PXDNL: variants seen among roughly 807,000 people sequenced by gnomAD.
PXDNL encodes peroxidasin like, also known as probable oxidoreductase PXDNL.
PXDNL carries 145 observed loss-of-function variants against 150.8 expected under a neutral mutation model. That is an observed-to-expected ratio of 0.96 (90% confidence interval 0.84 to 1.10). The LOEUF (loss-of-function observed/expected upper bound fraction) is 1.10. Ranked by LOEUF, PXDNL falls within the 50% of genes least tolerant of loss-of-function variation. The probability of loss-of-function intolerance (pLI) is 0.00; values close to 1 mark genes in which losing one functional copy is unlikely to be tolerated. For missense variants in PXDNL, 2,087 were observed against 1,873.9 expected, an observed-to-expected ratio of 1.11 and a Z score of -2.10; for synonymous variants, 757 against 725.7, an observed-to-expected ratio of 1.04 and a Z score of -0.69.
At chr8:51,645,616 G>A (rs1196770231) in intron 2 of PXDNL, among the ~76,000 whole-genome samples, 1 of 152,110 alleles carries the variant, frequency 6.6e-6, no homozygotes, top group Non-Finnish European at 1.5e-5. Context: ...AGAATGAAGT[G>A]CATTTGCTGA....
chr8:51,754,336 T>A (rs1292045272), intron 1 of PXDNL, among the ~76,000 whole-genome samples: 1 of 152,196 alleles, frequency 6.6e-6, no homozygotes, highest in South Asian at 2.1e-4. Flanking sequence ...CAGGGGCTGT[T>A]GATCCCATTG....
intron 4 of PXDNL, among the ~76,000 whole-genome samples, chr8:51,537,285 C>A (rs900256278): frequency 6.6e-6 from 1 of 152,146 alleles, no homozygotes; most frequent in Non-Finnish European, 1.5e-5. Context: ...GCTGGACACC[C>A]TCTGGCTGGG....
chr8:51,798,907 T>G (rs1209305120), intron 1 of PXDNL, among the ~76,000 whole-genome samples: 2 of 152,180 alleles, frequency 1.3e-5, no homozygotes, highest in African/African-American at 4.8e-5. Flanking sequence ...ACTGGGTATA[T>G]GCCCAAAGGA....
At chr8:51,378,562 G>A (rs1405709495) in intron 17 of PXDNL, among the ~76,000 whole-genome samples, 1 of 152,200 alleles carries the variant, frequency 6.6e-6, no homozygotes, top group Non-Finnish European at 1.5e-5. Context: ...AATCCTCTGG[G>A]GTACCATTCC....
At chr8:51,526,570 C>A (rs990302311) in intron 4 of PXDNL, among the ~76,000 whole-genome samples, 1 of 152,148 alleles carries the variant, frequency 6.6e-6, no homozygotes, top group South Asian at 2.1e-4. Flanking sequence ...CTCCATCCAA[C>A]CTCCTCCTGC....
chr8:51,635,770 C>G (rs898036518), intron 2 of PXDNL, among the ~76,000 whole-genome samples: 2 of 151,774 alleles, frequency 1.3e-5, no homozygotes, highest in Non-Finnish European at 1.5e-5. Context: ...TAAATTTTAT[C>G]AAATATTTAA....
At chr8:51,750,892 G>A (rs1407662635) in intron 1 of PXDNL, among the ~76,000 whole-genome samples, 1 of 152,150 alleles carries the variant, frequency 6.6e-6, no homozygotes, top group Admixed American at 6.5e-5. Flanking sequence ...TGGAGAAGGG[G>A]GGATGGTTGT....
Position 51,374,649 on chromosome 8 carries a change from T to G in PXDNL, c.3640A>C (p.Thr1214Pro). The G allele has an allele frequency of 6.2e-7, 1 of 1,613,954 alleles. No homozygotes were observed. The change falls in exon 18 of 23, where the codon ACA (threonine) becomes CCA (proline). Residue 1214 changes from threonine to proline, a missense_variant. Coordinates refer to ENST00000356297, the MANE Select transcript of PXDNL (RefSeq NM_144651.5). ...DLIPGTRVGP[T>P]LMCLFVTQFQ... Reference sequence around the variant, plus strand: ...TGGGTAACAAACAGGCACATAAGTGTTGGTCCCACTCTTGTACCAGGAATC... The same window carrying G: ...TGGGTAACAAACAGGCACATAAGTGGTGGTCCCACTCTTGTACCAGGAATC...
intron 19 of PXDNL, among the ~76,000 whole-genome samples, chr8:51,369,070 AGC>A (rs1807012318): frequency 6.6e-6 from 1 of 152,224 alleles, no homozygotes; most frequent in African/African-American, 2.4e-5. Context: ...GAGTGAGATT[AGC>A]AAAGGAGAGG....
intron 4 of PXDNL, among the ~76,000 whole-genome samples, chr8:51,523,008 T>C (rs949062098): frequency 6.6e-6 from 1 of 152,234 alleles, no homozygotes; most frequent in East Asian, 1.9e-4. Context: ...CAGTGATATC[T>C]TTTTATGAAA....
chr8:51,391,244 T>A (rs1202198148), intron 17 of PXDNL, among the ~76,000 whole-genome samples: 1 of 152,204 alleles, frequency 6.6e-6, no homozygotes, highest in East Asian at 1.9e-4. Context: ...TATAGTCCTT[T>A]GGGTATATAC....
intron 1 of PXDNL, among the ~76,000 whole-genome samples, chr8:51,679,247 T>C (rs1815692612): frequency 6.6e-6 from 1 of 152,108 alleles, no homozygotes; most frequent in South Asian, 2.1e-4. Flanking sequence ...GTGGAAAGAG[T>C]ACACACATAT....
intron 4 of PXDNL, among the ~76,000 whole-genome samples, chr8:51,538,379 C>T (rs1812134142): frequency 6.6e-6 from 1 of 151,584 alleles, no homozygotes; most frequent in Admixed American, 6.6e-5. Context: ...TAGTTTCAAT[C>T]AGAATTCAGA....
At position 51,472,295 on chromosome 8, in the gene PXDNL, C is replaced by T. The variant is rs757076660; in HGVS notation, c.704G>A (p.Arg235Gln). 5 of 1,610,558 alleles carry T rather than the reference C, an allele frequency of 3.1e-6. No individual in the cohort carries two copies. The highest frequency in any genetic ancestry group is 4.2e-6 in the Non-Finnish European group (5 of 1,177,674). Residue 235 changes from arginine to glutamine, a missense_variant, in exon 8 of 23, where the codon CGA becomes CAA. Transcript: ENST00000356297. ...TVEEFNCQSP[R>Q]ITFEPQDVEV... ...CACATCCTGCGGCTCAAAAGTAATT[C>T]GGGGGCTCTCTGCAACAAAAGAATT...
intron 4 of PXDNL, among the ~76,000 whole-genome samples, chr8:51,512,580 A>C (rs1479297500): frequency 2.6e-5 from 4 of 152,240 alleles, no homozygotes; most frequent in African/African-American, 4.8e-5. Flanking sequence ...GTAGGCTAGG[A>C]TAACTTTAGA....
chr8:51,453,906 C>CATAT, intron 9 of PXDNL, 121 bp from the exon 10 acceptor site: 3 of 817,776 alleles, frequency 3.7e-6, no homozygotes, highest in Non-Finnish European at 5.5e-6. Flanking sequence ...TAAAATATTA[C>CATAT]ACATATATAT....
intron 12 of PXDNL, among the ~76,000 whole-genome samples, chr8:51,432,160 G>A (rs1272739259): frequency 6.6e-6 from 1 of 152,142 alleles, no homozygotes; most frequent in Non-Finnish European, 1.5e-5. Flanking sequence ...GGTGTGTAGG[G>A]TGATGTAAAG....
At chr8:51,703,448 C>T (rs1470266255) in intron 1 of PXDNL, among the ~76,000 whole-genome samples, 1 of 152,152 alleles carries the variant, frequency 6.6e-6, no homozygotes, top group African/African-American at 2.4e-5. Flanking sequence ...TTCATATAAA[C>T]CAGTACAATC....
intron 3 of PXDNL, among the ~76,000 whole-genome samples, chr8:51,576,273 AG>A (rs1313505871): frequency 6.6e-6 from 1 of 151,828 alleles, no homozygotes; most frequent in Non-Finnish European, 1.5e-5. Flanking sequence ...ATATCAAGAT[AG>A]ATCATGTCCT....
Sources: gnomAD v4.1 joint callset for allele counts (sites outside exome capture counted in the v4.1 genomes callset) on GRCh38, gnomAD v4.1.1 for gene constraint, MANE v1.5 for transcripts, NCBI Gene and HGNC (gene_info 2026-07-23, HGNC 2026-07-21) for gene names.